DNMT3A: variants seen among roughly 807,000 people sequenced by gnomAD.
The protein encoded by DNMT3A is DNA (cytosine-5)-methyltransferase 3A.
DNMT3A carries 267 observed loss-of-function variants against 117.6 expected under a neutral mutation model. The ratio of observed to expected loss-of-function variants is 2.27; its 90% CI spans 2.05 to 2.51. DNMT3A has a LOEUF of 2.51. DNMT3A is among the 30% of genes most tolerant of loss of function. DNMT3A has a pLI of 0.00. For missense variants in DNMT3A, 1,029 were observed against 1,260.2 expected, an observed-to-expected ratio of 0.82 and a Z score of 2.78; for synonymous variants, 432 against 474.8, an observed-to-expected ratio of 0.91 and a Z score of 1.17.
intron 6 of DNMT3A, among the ~76,000 whole-genome samples, chr2:25,262,878 C>G (rs1291784133): frequency 1.3e-5 from 2 of 152,180 alleles, no homozygotes; most frequent in Middle Eastern, 3.2e-3. Flanking sequence ...CCCTAAACAA[C>G]CCAGAAGTCA....
rs1573466601 is a variant in DNMT3A, at chr2:25,305,866, C to G, written c.73-5623G>C. Among the ~76,000 whole-genome samples, 1 of 152,350 alleles carries G rather than the reference C, an allele frequency of 6.6e-6. No homozygotes were observed. The highest frequency in any genetic ancestry group is 2.1e-4 in the South Asian group (1 of 4,832). On this transcript the variant is annotated intron_variant, in intron 2 of 22. Coordinates refer to ENST00000321117, the MANE Select transcript of DNMT3A (RefSeq NM_022552.5). This position sits in a 1 kb window ranked among gnomAD's most constrained non-coding sequence, Gnocchi z 4.1. ...AGGCCCTCACCTAGAGACAGCCAGC[C>G]TGACATACGTGTATTCCCTTCAGTA...
chr2:25,275,415 C>T, intron 5 of DNMT3A, 85 bp downstream of exon 5: 2 of 1,409,100 alleles, frequency 1.4e-6, no homozygotes, highest in East Asian at 2.5e-5. Flanking sequence ...GAGGGGCCCA[C>T]CCTCCGCCCC....
chr2:25,235,218 T>C (rs1248832484), intron 22 of DNMT3A, among the ~76,000 whole-genome samples: 1 of 151,244 alleles, frequency 6.6e-6, no homozygotes, highest in Non-Finnish European at 1.5e-5. Flanking sequence ...ATGGAATCTC[T>C]CTGTTGCACA....
chr2:25,241,570 GT>G lies in DNMT3A; in HGVS notation c.2073del (p.Gln692ArgfsTer13). On this transcript the variant is annotated frameshift_variant, in exon 17 of 23. Transcript: ENST00000321117. LOFTEE classifies it high-confidence loss of function. ...IMYVGDVRSV[T>X]QKHIQEWGPF... is the part of the protein sequence containing the mutation. The stretch of plus-strand genomic sequence containing the variant: ...CCACAGCATGGACATACATGCTTCT[GT>G]GTGACGCTGCGGACGTCCCCGACGT... 6.2e-7 allele frequency: 1 copy of G among 1,613,656 alleles called. No homozygotes were observed.
intron 4 of DNMT3A, among the ~76,000 whole-genome samples, chr2:25,276,511 C>G (rs2031423356): frequency 6.6e-6 from 1 of 152,224 alleles, no homozygotes; most frequent in Non-Finnish European, 1.5e-5. Context: ...CCTATTGAGA[C>G]CTTGCCCTCT....
At position 25,281,505 on chromosome 2, in the gene DNMT3A, G is replaced by C. The variant is rs1316029903; in HGVS notation, c.448+936C>G. ...GTTCTCTATCCTGCATGAACATTAG[G>C]TTGGATCCATGCAAAATAAGTTACG... On this transcript the variant is annotated intron_variant, in intron 4 of 22. Transcript: ENST00000321117. This position sits in a 1 kb window ranked among gnomAD's most constrained non-coding sequence, Gnocchi z 4.8. The C allele has an allele frequency of 9.5e-7, 1 of 1,056,706 alleles. No individual in the cohort carries two copies. The highest frequency in any genetic ancestry group is 4.6e-5 in the South Asian group (1 of 21,916). 65.5% of individuals were successfully genotyped at this position (1,056,706 alleles called of 1,614,324 possible). A position where few individuals can be genotyped will look rare whatever the true frequency, so the allele number is the denominator to read the frequency against.
chr2:25,337,279 A>AG lies in DNMT3A; in HGVS notation c.-178+4546dup, dbSNP rs2035250673. Among the ~76,000 whole-genome samples, 1 of 152,184 alleles carries AG rather than the reference A, an allele frequency of 6.6e-6. No homozygotes were observed. Among genetic ancestry groups the AG allele is most frequent in the South Asian group, 2.1e-4 (1 of 4,828 alleles). The stretch of plus-strand genomic sequence containing the variant: ...AATCGGCACTTTCCTCATCTGACCA[A>AG]GATTCTGCAAAAGACACAGGAAGGT... On this transcript the variant is annotated intron_variant, in intron 1 of 22. Coordinates refer to ENST00000321117, the MANE Select transcript of DNMT3A (RefSeq NM_022552.5). The surrounding 1 kb of genome is among the most constrained non-coding windows in gnomAD (Gnocchi z 5.0).
At chr2:25,251,837 T>C in intron 6 of DNMT3A, 1 of 354,176 alleles carries the variant, frequency 2.8e-6, no homozygotes, top group Non-Finnish European at 5.1e-6. Context: ...CAGGCACCCA[T>C]CTGCCAGCTC....
At chr2:25,338,254 C>T (rs1467024718) in intron 1 of DNMT3A, among the ~76,000 whole-genome samples, 3 of 152,234 alleles carry the variant, frequency 2.0e-5, no homozygotes, top group African/African-American at 7.2e-5. Context: ...GTACCCAGCA[C>T]TAAGAGCTCT....
In DNMT3A at chr2:25,256,679, C is replaced by T. The variant is rs371065466; in HGVS notation, c.640-8427G>A. On this transcript the variant is annotated intron_variant, in intron 6 of 22. Coordinates refer to ENST00000321117, the MANE Select transcript of DNMT3A (RefSeq NM_022552.5). ...GGCCCCTCACCCTTATCCTCCCCTT[C>T]TGTCCCTTATCTTTCCCTTCTGTCC... 4.8e-4 allele frequency among the ~76,000 whole-genome samples: 73 copies of T among 152,158 alleles called. 1 individual carries two copies. In the South Asian group the frequency reaches 0.014, roughly 30 times the overall value.
At chr2:25,244,103 A>AC in intron 15 of DNMT3A, 52 bp downstream of exon 15, 1 of 1,611,710 alleles carries the variant, frequency 6.2e-7, no homozygotes, top group Non-Finnish European at 8.5e-7. Context: ...AGGCCCCACA[A>AC]CCAAGGCTCA....
At chr2:25,266,532 T>C (rs2030363996) in intron 6 of DNMT3A, among the ~76,000 whole-genome samples, 2 of 152,130 alleles carry the variant, frequency 1.3e-5, no homozygotes, top group Admixed American at 6.6e-5. Context: ...GACTGCTTAT[T>C]AAATGGAATA....
chr2:25,234,055 G>A lies in DNMT3A; in HGVS notation c.*224C>T. 1.8e-6 allele frequency: 1 copy of A among 565,340 alleles called. No homozygotes were observed. The highest frequency in any genetic ancestry group is 2.8e-6 in the Non-Finnish European group (1 of 361,502). The allele number at this position is 565,340 out of a possible 1,614,324, so 35.0% of individuals were successfully genotyped here. ...GGAGCTTGGTTTTGTTTTTAAATAGGACTGAAGAATAACATTGAAAAATCA... is the reference window on the plus strand; with the variant it reads ...GGAGCTTGGTTTTGTTTTTAAATAGAACTGAAGAATAACATTGAAAAATCA... On this transcript the variant is annotated 3_prime_UTR_variant, in exon 23 of 23. Transcript: ENST00000321117. The surrounding 1 kb of genome is among the most constrained non-coding windows in gnomAD (Gnocchi z 4.5).
chr2:25,288,294 C>T (rs187090306), intron 3 of DNMT3A, among the ~76,000 whole-genome samples: 12 of 151,864 alleles, frequency 7.9e-5, no homozygotes, highest in Non-Finnish European at 1.0e-4. Flanking sequence ...ATTCGCCAGG[C>T]GTGGTAGCAG....
intron 1 of DNMT3A, 48 bp downstream of exon 1, chr2:25,341,778 G>T (rs1367851961): frequency 3.1e-6 from 3 of 957,142 alleles, no homozygotes; most frequent in Non-Finnish European, 3.7e-6. Context: ...CCGGCTCCCC[G>T]CCGCCTCCGG....
chr2:25,252,183 C>T lies in DNMT3A; in HGVS notation c.640-3931G>A, dbSNP rs539207677. ...CCCCCGGTCTCCCCGGGGCTCCGTC[C>T]AGGAACCTACCCATAAGGCCAGGTG... On this transcript the variant is annotated intron_variant, in intron 6 of 22. Coordinates refer to ENST00000321117, the MANE Select transcript of DNMT3A (RefSeq NM_022552.5). The surrounding 1 kb of genome is among the most constrained non-coding windows in gnomAD (Gnocchi z 5.5). 2 of 1,566,436 alleles carry T rather than the reference C, an allele frequency of 1.3e-6. No individual in the cohort carries two copies. The highest frequency in any genetic ancestry group is 1.7e-6 in the Non-Finnish European group (2 of 1,157,564).
chr2:25,281,052 T>C lies in DNMT3A; in HGVS notation c.448+1389A>G, dbSNP rs1166868194. Among the ~76,000 whole-genome samples, 3 of 152,138 alleles carry C rather than the reference T, an allele frequency of 2.0e-5. No individual in the cohort carries two copies. The highest frequency in any genetic ancestry group is 4.4e-5 in the Non-Finnish European group (3 of 68,028). ...TCTCTCACACACCTGGCATTGTTAATGGGAAGGATGGTGTCTTCTCCCTTT... is the reference window on the plus strand; with the variant it reads ...TCTCTCACACACCTGGCATTGTTAACGGGAAGGATGGTGTCTTCTCCCTTT... On this transcript the variant is annotated intron_variant, in intron 4 of 22. Coordinates refer to ENST00000321117, the MANE Select transcript of DNMT3A (RefSeq NM_022552.5). The surrounding 1 kb of genome is among the most constrained non-coding windows in gnomAD (Gnocchi z 4.8).
At chr2:25,318,763 T>C (rs2034479549) in intron 1 of DNMT3A, among the ~76,000 whole-genome samples, 1 of 147,882 alleles carries the variant, frequency 6.8e-6, no homozygotes, top group African/African-American at 2.5e-5. Flanking sequence ...AGTGGTGCAA[T>C]CTCGGCTCAC....
At chr2:25,273,862 T>C (rs1461578772) in intron 6 of DNMT3A, among the ~76,000 whole-genome samples, 3 of 152,188 alleles carry the variant, frequency 2.0e-5, no homozygotes, top group Non-Finnish European at 4.4e-5. Flanking sequence ...CAGACACCGC[T>C]CTGTACTGCT....
Sources: allele counts gnomAD v4.1 joint callset (sites outside exome capture counted in the v4.1 genomes callset), GRCh38; gene constraint gnomAD v4.1.1; non-coding constraint Gnocchi (gnomAD v3.1); transcripts MANE v1.5; gene names NCBI Gene and HGNC (gene_info 2026-07-23, HGNC 2026-07-21).